RYR2: variants seen among roughly 807,000 people sequenced by gnomAD.
RYR2 encodes cardiac muscle ryanodine receptor-calcium release channel.
In RYR2, 227 loss-of-function variants were observed where a neutral mutation model predicts 601.1. The observed-to-expected ratio is 0.38, with a 90% confidence interval of 0.34 to 0.42. The LOEUF (loss-of-function observed/expected upper bound fraction) is 0.42. RYR2 is among the 10% of genes least tolerant of loss of function. The probability of loss-of-function intolerance (pLI) is 1.00; values close to 1 mark genes in which losing one functional copy is unlikely to be tolerated. For missense variants in RYR2, 4,646 were observed against 6,156.5 expected, an observed-to-expected ratio of 0.75 and a Z score of 8.21; for synonymous variants, 2,223 against 2,175.1, an observed-to-expected ratio of 1.02 and a Z score of -0.61.
At chr1:237,256,992 A>G (rs142463422) in intron 1 of RYR2, among the ~76,000 whole-genome samples, 48 of 152,240 alleles carry the variant, frequency 3.2e-4, no homozygotes, top group African/African-American at 1.1e-3. Context: ...CATTTTCTGT[A>G]AATTTGTTTT....
At chr1:237,635,544 A>T (rs1680788045) in intron 44 of RYR2, among the ~76,000 whole-genome samples, 1 of 152,182 alleles carries the variant, frequency 6.6e-6, no homozygotes, top group South Asian at 2.1e-4. Flanking sequence ...TATTACCAGC[A>T]TTTAGAGAAA....
At chr1:237,700,550 T>C in intron 65 of RYR2, 83 bp downstream of exon 65, 1 of 693,118 alleles carries the variant, frequency 1.4e-6, no homozygotes, top group Non-Finnish European at 2.5e-6. Context: ...TAGCCACATC[T>C]GGGTTACTAA....
At position 237,784,714 on chromosome 1, in the gene RYR2, G is replaced by A; in HGVS notation, c.13002G>A (p.Met4334Ile). The A allele has an allele frequency of 6.2e-7, 1 of 1,607,012 alleles. No individual in the cohort carries two copies. Among genetic ancestry groups the A allele is most frequent in the Non-Finnish European group, 8.5e-7 (1 of 1,175,736 alleles). ...KIKVAELLAN[M>I]PDPTQDEVRG... ...AAGTTGCAGAACTGTTAGCCAACAT[G>A]CCAGACCCCACTCAGGATGAGGTTA... The change falls in exon 90 of 105, where the codon ATG becomes ATA. Residue 4334 changes from methionine to isoleucine, a missense_variant. Around this residue, in one of 17 missense-constraint regions of RYR2, gnomAD observed 364 missense variants for 442.9 expected, o/e 0.82. Transcript: ENST00000366574. The surrounding 1 kb of genome is among the most constrained non-coding windows in gnomAD (Gnocchi z 7.1).
At position 237,442,124 on chromosome 1, in the gene RYR2, T is replaced by G. The variant is rs145796525; in HGVS notation, c.1170+641T>G. 1.9e-3 allele frequency among the ~76,000 whole-genome samples: 284 copies of G among 152,334 alleles called. 2 individuals are homozygous for G. Among genetic ancestry groups the G allele is most frequent in the African/African-American group, 6.7e-3 (279 of 41,578 alleles). On this transcript the variant is annotated intron_variant, in intron 13 of 104. Coordinates refer to ENST00000366574, the MANE Select transcript of RYR2 (RefSeq NM_001035.3). ...TGCCCATGCACCTGCTAACTTGGTCTTCAACTGCATTAGCTTTGCAGAATT... is the reference window on the plus strand; with the variant it reads ...TGCCCATGCACCTGCTAACTTGGTCGTCAACTGCATTAGCTTTGCAGAATT...
chr1:237,467,103 C>CAT (rs1325121624), intron 16 of RYR2, among the ~76,000 whole-genome samples: 2 of 148,394 alleles, frequency 1.3e-5, no homozygotes, highest in Non-Finnish European at 3.0e-5. Context: ...TTATATATAT[C>CAT]ATATATATAA....
At chr1:237,696,439 G>A in intron 63 of RYR2, among the ~76,000 whole-genome samples, 1 of 151,762 alleles carries the variant, frequency 6.6e-6, no homozygotes, top group Non-Finnish European at 1.5e-5. Context: ...TTATATTCAT[G>A]CTGGCTAGTT....
At chr1:237,337,008 TG>T (rs1245838537) in intron 3 of RYR2, among the ~76,000 whole-genome samples, 5 of 152,062 alleles carry the variant, frequency 3.3e-5, no homozygotes, top group Non-Finnish European at 7.4e-5. Flanking sequence ...CCCAGCAATT[TG>T]GGAGGCTGAG....
intron 2 of RYR2, among the ~76,000 whole-genome samples, chr1:237,321,571 T>C (rs1695633371): frequency 6.6e-6 from 1 of 152,060 alleles, no homozygotes; most frequent in African/African-American, 2.4e-5. Context: ...TACACAGAAA[T>C]AGTGGGCTTT....
intron 1 of RYR2, among the ~76,000 whole-genome samples, chr1:237,085,447 C>T (rs182781576): frequency 3.9e-5 from 6 of 152,208 alleles, no homozygotes; most frequent in African/African-American, 1.2e-4. Flanking sequence ...TAACTTGCTC[C>T]GCATGTGTTA....
At chr1:237,708,314 G>GC (rs1308328782) in intron 68 of RYR2, among the ~76,000 whole-genome samples, 1 of 152,076 alleles carries the variant, frequency 6.6e-6, no homozygotes, top group Non-Finnish European at 1.5e-5. Flanking sequence ...TTTCCCCAGT[G>GC]CATATATGTT....
intron 13 of RYR2, among the ~76,000 whole-genome samples, chr1:237,444,089 G>T (rs1402675179): frequency 6.6e-6 from 1 of 152,050 alleles, no homozygotes; most frequent in East Asian, 1.9e-4. Context: ...ACACAGTATT[G>T]TATTATTGTA....
At position 237,263,992 on chromosome 1, in the gene RYR2, G is replaced by A. The variant is rs184647148; in HGVS notation, c.49-6505G>A. Among the ~76,000 whole-genome samples, 167 of 152,226 alleles carry A rather than the reference G, an allele frequency of 1.1e-3. No individual in the cohort carries two copies. In the South Asian group the frequency reaches 0.013, roughly 12 times the overall value. Reference sequence around the variant, plus strand: ...GGCTGCTATTTTAGATAGGGCGACCGTGGAAGTGGTTTTCTGTGTGTGTGA... The same window carrying A: ...GGCTGCTATTTTAGATAGGGCGACCATGGAAGTGGTTTTCTGTGTGTGTGA... On this transcript the variant is annotated intron_variant, in intron 1 of 104. Coordinates refer to ENST00000366574, the MANE Select transcript of RYR2 (RefSeq NM_001035.3).
intron 10 of RYR2, among the ~76,000 whole-genome samples, chr1:237,408,703 A>T (rs1444438638): frequency 2.0e-5 from 3 of 152,118 alleles, no homozygotes; most frequent in African/African-American, 7.2e-5. Flanking sequence ...CAGTTTGTTA[A>T]TATCTACAAA....
intron 3 of RYR2, among the ~76,000 whole-genome samples, chr1:237,353,403 G>A (rs1699030531): frequency 6.6e-6 from 1 of 151,532 alleles, no homozygotes; most frequent in African/African-American, 2.4e-5. Context: ...CAGCTATCCA[G>A]GAAACTGAGA....
Position 237,798,297 on chromosome 1 carries a change from A to G in RYR2, c.14090+127A>G, listed in dbSNP as rs150658725. ...AAGAATAGATAGATGAGGAAAACAGAAAGTATATAAAGTCTACTTTTACAC... is the reference window on the plus strand; with the variant it reads ...AAGAATAGATAGATGAGGAAAACAGGAAGTATATAAAGTCTACTTTTACAC... On this transcript the variant is annotated intron_variant, in intron 97 of 104. Transcript: ENST00000366574. 9.2e-4 allele frequency: 718 copies of G among 777,760 alleles called. 2 individuals are homozygous for G. The African/African-American group carries it at 0.011, about 12-fold the overall frequency. The allele number at this position is 777,760 out of a possible 1,614,324, so 48.2% of individuals were successfully genotyped here. A position where few individuals can be genotyped will look rare whatever the true frequency, so the allele number is the denominator to read the frequency against.
rs565902654 is a variant in RYR2, at chr1:237,566,828, C to T, written c.3423+53C>T. ...ATCTGTACGTGCTGGAGGCTCATCT[C>T]CTCTGCTGTTCCTCTTGGTAGCTTC... On this transcript the variant is annotated intron_variant, in intron 28 of 104. Coordinates refer to ENST00000366574, the MANE Select transcript of RYR2 (RefSeq NM_001035.3). The T allele has an allele frequency of 4.5e-6, 7 of 1,558,214 alleles. No individual in the cohort carries two copies. The African/African-American group carries it at 8.1e-5, about 18-fold the overall frequency.
chr1:237,169,844 A>G (rs904870607), intron 1 of RYR2, among the ~76,000 whole-genome samples: 2 of 136,616 alleles, frequency 1.5e-5, no homozygotes, highest in Non-Finnish European at 3.4e-5. Flanking sequence ...AATTCTAAGC[A>G]TGTGGATCTC....
At chr1:237,536,803 G>C (rs1235896500) in intron 25 of RYR2, among the ~76,000 whole-genome samples, 1 of 149,844 alleles carries the variant, frequency 6.7e-6, no homozygotes, top group Non-Finnish European at 1.5e-5. Flanking sequence ...GGAGAATGGC[G>C]TGAACCCGGG....
chr1:237,239,913 A>G (rs1300119120), intron 1 of RYR2, among the ~76,000 whole-genome samples: 3 of 152,202 alleles, frequency 2.0e-5, no homozygotes, highest in Non-Finnish European at 4.4e-5. Context: ...GGGATAGTTA[A>G]GATTTAAATA....
Sources: gnomAD v4.1 joint callset for allele counts (sites outside exome capture counted in the v4.1 genomes callset) on GRCh38, gnomAD v4.1.1 for gene constraint, gnomAD v4.1.1 regional missense constraint, Gnocchi (gnomAD v3.1) non-coding constraint, MANE v1.5 for transcripts, NCBI Gene and HGNC (gene_info 2026-07-23, HGNC 2026-07-21) for gene names.